NXPE2: variants seen among roughly 807,000 people sequenced by gnomAD.
NXPE2 encodes neurexophilin and PC-esterase domain family member 2, also known as NXPE family member 2.
In NXPE2, 34 loss-of-function variants were observed where a neutral mutation model predicts 34.4. The ratio of observed to expected loss-of-function variants is 0.99; its 90% CI spans 0.75 to 1.31. The LOEUF (loss-of-function observed/expected upper bound fraction) is 1.31. Among genes scored for constraint, NXPE2 ranks in the 40% most tolerant of loss-of-function variants. The probability of loss-of-function intolerance (pLI) is 0.00; values close to 1 mark genes in which losing one functional copy is unlikely to be tolerated. For synonymous variants in NXPE2, 235 were observed against 231.3 expected (o/e 1.02, Z -0.15); for missense variants, 649 against 672.5 (o/e 0.97, Z 0.39).
chr11:114,564,468 C>T, the NXPE2 span, among the ~76,000 whole-genome samples: 1 of 152,156 alleles, frequency 6.6e-6, no homozygotes, highest in Non-Finnish European at 1.5e-5. Flanking sequence ...GAGTAAGATA[C>T]ATTCCCTGCC....
At chr11:114,613,471 AGTATTGCCTCGTGG>A in the NXPE2 span, among the ~76,000 whole-genome samples, 1 of 151,790 alleles carries the variant, frequency 6.6e-6, no homozygotes, top group Non-Finnish European at 1.5e-5. Flanking sequence ...CTGCATAATA[AGTATTGCCTCGTGG>A]GTAACCACTA....
chr11:114,796,499 T>TAA, the NXPE2 span, among the ~76,000 whole-genome samples: 1 of 152,174 alleles, frequency 6.6e-6, no homozygotes, highest in Admixed American at 6.6e-5. Flanking sequence ...ATAAAGTGGT[T>TAA]AACTGTTTCC....
the NXPE2 span, among the ~76,000 whole-genome samples, chr11:114,550,737 T>G: frequency 6.6e-6 from 1 of 152,148 alleles, no homozygotes; most frequent in Non-Finnish European, 1.5e-5. Context: ...AAATAACTTT[T>G]GCATGGAAAA....
At chr11:114,756,582 A>G in the NXPE2 span, among the ~76,000 whole-genome samples, 1 of 152,156 alleles carries the variant, frequency 6.6e-6, no homozygotes, top group East Asian at 1.9e-4. Context: ...AGCTTTCTTT[A>G]TTAATATAAT....
At chr11:114,784,347 A>T in the NXPE2 span, among the ~76,000 whole-genome samples, 1 of 152,080 alleles carries the variant, frequency 6.6e-6, no homozygotes, top group East Asian at 1.9e-4. Flanking sequence ...CCTGGTCATT[A>T]TCTGGGGCTG....
the NXPE2 span, among the ~76,000 whole-genome samples, chr11:114,744,891 G>A: frequency 6.6e-6 from 1 of 152,128 alleles, no homozygotes; most frequent in African/African-American, 2.4e-5. Context: ...CAATTACTAT[G>A]AAAGCTGTTC....
At chr11:114,553,646 T>C in the NXPE2 span, 1 of 872,478 alleles carries the variant, frequency 1.1e-6, no homozygotes, top group Non-Finnish European at 1.4e-6. Context: ...CTTAGAATCC[T>C]ATGGCCAGAT....
chr11:114,740,878 T>C, the NXPE2 span, among the ~76,000 whole-genome samples: 9 of 152,354 alleles, frequency 5.9e-5, no homozygotes, highest in South Asian at 1.9e-3. Flanking sequence ...TGTAGAATTA[T>C]AATATCCTTT....
At chr11:114,516,739 G>A in the NXPE2 span, among the ~76,000 whole-genome samples, 36 of 152,066 alleles carry the variant, frequency 2.4e-4, no homozygotes, top group Non-Finnish European at 5.0e-4. Context: ...TGAAAAGATG[G>A]TCCCTTTTGT....
chr11:114,745,754 A>T, the NXPE2 span, among the ~76,000 whole-genome samples: 1 of 152,152 alleles, frequency 6.6e-6, no homozygotes, highest in East Asian at 1.9e-4. Context: ...CTAGATATGA[A>T]AAAGTATACT....
At chr11:114,518,693 G>A in the NXPE2 span, among the ~76,000 whole-genome samples, 1 of 152,170 alleles carries the variant, frequency 6.6e-6, no homozygotes, top group Non-Finnish European at 1.5e-5. Context: ...GACTCATCCA[G>A]GGAAGGGCTG....
upstream of NXPE2, among the ~76,000 whole-genome samples, chr11:114,674,126 C>CA (rs59039274): frequency 0.27 from 22,241 of 80,928 alleles, 1,878 homozygotes; most frequent in East Asian, 0.48. Flanking sequence ...AACAAACAAA[C>CA]AAGTGAACAA....
At chr11:114,628,451 A>G in the NXPE2 span, among the ~76,000 whole-genome samples, 2 of 152,308 alleles carry the variant, frequency 1.3e-5, no homozygotes, top group East Asian at 1.9e-4. Context: ...AAGCAGAAAT[A>G]AAGATGTTCT....
At chr11:114,673,067 T>C in the NXPE2 span, among the ~76,000 whole-genome samples, 1 of 148,162 alleles carries the variant, frequency 6.7e-6, no homozygotes, top group African/African-American at 2.4e-5. Context: ...AACAAGCCTA[T>C]ATATATATTA....
chr11:114,743,849 A>ATG, the NXPE2 span, among the ~76,000 whole-genome samples: 3 of 151,130 alleles, frequency 2.0e-5, no homozygotes, highest in Admixed American at 2.0e-4. Context: ...ATATATACAT[A>ATG]TGTGTGTATA....
chr11:114,547,015 A>G, the NXPE2 span, among the ~76,000 whole-genome samples: 5 of 152,212 alleles, frequency 3.3e-5, no homozygotes, highest in Non-Finnish European at 5.9e-5. Flanking sequence ...TCTCTTGTAC[A>G]GAAGAATTCC....
the NXPE2 span, among the ~76,000 whole-genome samples, chr11:114,606,513 G>T: frequency 5.9e-5 from 9 of 151,880 alleles, no homozygotes; most frequent in African/African-American, 2.2e-4. Context: ...TGCCTCTAGG[G>T]TAACCACTGT....
the NXPE2 span, among the ~76,000 whole-genome samples, chr11:114,577,161 C>CATATATATAT: frequency 8.2e-5 from 11 of 134,574 alleles, no homozygotes; most frequent in African/African-American, 2.5e-4. Context: ...ATATATGTGT[C>CATATATATAT]ATATATATAT....
the NXPE2 span, among the ~76,000 whole-genome samples, chr11:114,514,092 C>A: frequency 1.5e-4 from 23 of 151,930 alleles, no homozygotes; most frequent in African/African-American, 5.5e-4. Context: ...CATATGTTTT[C>A]TTTTTTACAT....
Sources: allele counts gnomAD v4.1 joint callset (sites outside exome capture counted in the v4.1 genomes callset), GRCh38; gene constraint gnomAD v4.1.1; transcripts MANE v1.5; gene names NCBI Gene and HGNC (gene_info 2026-07-23, HGNC 2026-07-21).